The following CDH13 variants were observed in gnomAD, a reference collection of about 807,000 sequenced individuals.
CDH13 encodes cadherin-13.
A neutral mutation model predicts 63.8 loss-of-function variants in CDH13; 24 were observed. The observed-to-expected ratio is 0.38, with a 90% confidence interval of 0.27 to 0.53. The LOEUF (loss-of-function observed/expected upper bound fraction) is 0.53. CDH13 is among the 20% of genes least tolerant of loss of function. The probability of loss-of-function intolerance (pLI) is 0.85; values close to 1 mark genes in which losing one functional copy is unlikely to be tolerated. For missense variants in CDH13, 1,049 were observed against 903.1 expected (o/e 1.16, Z -2.07); for synonymous variants, 503 against 355.3 (o/e 1.42, Z -4.67).
rs934871469 is a variant in CDH13 at position 83,148,137 on chromosome 16, C to T, written c.483+22636C>T. ...ATTTTTAGTAGGCACGGGGTTTCAC[C>T]ATTTTGGCCAGGCTGATCCTGAACT... On this transcript the variant is annotated intron_variant, in intron 4 of 13. Transcript: ENST00000567109. 1.2e-4 allele frequency among the ~76,000 whole-genome samples: 19 copies of T among 152,258 alleles called. No homozygotes were observed. In the South Asian group the frequency reaches 2.1e-3, roughly 17 times the overall value.
chr16:82,675,120 A>T (rs1463898424), intron 1 of CDH13, among the ~76,000 whole-genome samples: 2 of 152,166 alleles, frequency 1.3e-5, no homozygotes, highest in Non-Finnish European at 2.9e-5. Flanking sequence ...ATAATTTTGC[A>T]ACTTAAAAAT....
chr16:83,691,276 G>A (rs560115583), intron 10 of CDH13, among the ~76,000 whole-genome samples: 5 of 152,166 alleles, frequency 3.3e-5, no homozygotes, highest in African/African-American at 1.2e-4. Flanking sequence ...TGTTCTTGTT[G>A]AGTTTGAGGT....
At chr16:83,318,923 G>A (rs544840458) in intron 5 of CDH13, among the ~76,000 whole-genome samples, 7 of 151,844 alleles carry the variant, frequency 4.6e-5, no homozygotes, top group Admixed American at 6.6e-5. Flanking sequence ...CCTCTGGAGA[G>A]CTCACAGGAG....
At chr16:82,921,539 A>G (rs1208362478) in intron 2 of CDH13, among the ~76,000 whole-genome samples, 2 of 152,222 alleles carry the variant, frequency 1.3e-5, no homozygotes, top group East Asian at 1.9e-4. Context: ...TCACATATGC[A>G]CAGACATTTT....
chr16:83,084,695 C>T (rs909820469), intron 3 of CDH13, among the ~76,000 whole-genome samples: 1 of 152,026 alleles, frequency 6.6e-6, no homozygotes, highest in African/African-American at 2.4e-5. Flanking sequence ...TTGAGACCGG[C>T]CTGGCCAACA....
At chr16:83,515,178 C>G (rs944189634) in intron 7 of CDH13, among the ~76,000 whole-genome samples, 26 of 152,112 alleles carry the variant, frequency 1.7e-4, no homozygotes, top group Admixed American at 1.5e-3. Flanking sequence ...GATGTAAGAA[C>G]TCTGTACTTG....
chr16:83,304,333 G>T (rs1257954528), intron 5 of CDH13, among the ~76,000 whole-genome samples: 1 of 152,090 alleles, frequency 6.6e-6, no homozygotes, highest in Non-Finnish European at 1.5e-5. Flanking sequence ...GGAATCTTGG[G>T]AAAAAAGACT....
At chr16:83,659,976 G>A (rs567576778) in intron 8 of CDH13, among the ~76,000 whole-genome samples, 40 of 151,772 alleles carry the variant, frequency 2.6e-4, no homozygotes, top group Non-Finnish European at 4.0e-4. Context: ...TTGTAGAGAC[G>A]GGATTTCGCC....
intron 2 of CDH13, among the ~76,000 whole-genome samples, chr16:82,913,487 G>T (rs932085247): frequency 5.9e-5 from 9 of 152,088 alleles, no homozygotes; most frequent in African/African-American, 2.2e-4. Flanking sequence ...GGAAATCCAG[G>T]CCACAACTAT....
chr16:83,277,031 C>CA (rs1162773035), intron 5 of CDH13, among the ~76,000 whole-genome samples: 6 of 152,074 alleles, frequency 3.9e-5, no homozygotes, highest in Non-Finnish European at 2.9e-5. Flanking sequence ...AATTACCCCC[C>CA]ACCAGGTCTC....
chr16:83,486,306 G>A (rs1167139110), intron 6 of CDH13, among the ~76,000 whole-genome samples, 171 bp from the exon 7 acceptor site: 1 of 152,216 alleles, frequency 6.6e-6, no homozygotes, highest in Non-Finnish European at 1.5e-5. Flanking sequence ...AACAGAGAGG[G>A]AAAGGAGGAA....
intron 7 of CDH13, among the ~76,000 whole-genome samples, chr16:83,531,212 G>T (rs1304378267): frequency 1.3e-5 from 2 of 152,136 alleles, no homozygotes; most frequent in Non-Finnish European, 2.9e-5. Context: ...TCTTGACTTT[G>T]TCTGTTTACA....
intron 3 of CDH13, among the ~76,000 whole-genome samples, chr16:83,102,150 C>A (rs1332810067): frequency 2.0e-5 from 3 of 152,128 alleles, no homozygotes; most frequent in African/African-American, 7.2e-5. Flanking sequence ...CAGCCTTTAA[C>A]AGTTGGAGAA....
At chr16:83,676,219 C>A (rs1306506637) in intron 9 of CDH13, among the ~76,000 whole-genome samples, 1 of 152,128 alleles carries the variant, frequency 6.6e-6, no homozygotes, top group Non-Finnish European at 1.5e-5. Flanking sequence ...GGCTGGATTC[C>A]CCAGAAACCC....
intron 5 of CDH13, among the ~76,000 whole-genome samples, chr16:83,302,071 C>T (rs758242600): frequency 3.9e-5 from 6 of 151,984 alleles, no homozygotes; most frequent in African/African-American, 1.2e-4. Flanking sequence ...AAGTGGGGAT[C>T]GTCCTTACCT....
intron 4 of CDH13, among the ~76,000 whole-genome samples, chr16:83,147,396 C>G (rs1567876524): frequency 6.6e-6 from 1 of 152,150 alleles, no homozygotes; most frequent in Admixed American, 6.5e-5. Flanking sequence ...CTATCTGTGA[C>G]TTTTAAAGAA....
At chr16:82,728,445 AT>A (rs35197709) in intron 1 of CDH13, among the ~76,000 whole-genome samples, 79,888 of 151,506 alleles carry the variant, frequency 0.53, 21,767 homozygotes, top group Non-Finnish European at 0.59. Context: ...GAGGCATACA[AT>A]TTTTTTTTTG....
intron 1 of CDH13, among the ~76,000 whole-genome samples, chr16:82,817,683 T>C (rs998766797): frequency 5.3e-5 from 8 of 151,984 alleles, no homozygotes; most frequent in African/African-American, 1.9e-4. Flanking sequence ...TGCACACCTG[T>C]AGTCCCAGCT....
intron 2 of CDH13, among the ~76,000 whole-genome samples, chr16:83,007,148 T>C (rs2151431012): frequency 6.6e-6 from 1 of 152,162 alleles, no homozygotes; most frequent in African/African-American, 2.4e-5. Flanking sequence ...TCTTGAACTC[T>C]CGACCTAAGG....
Sources: allele counts gnomAD v4.1 joint callset (sites outside exome capture counted in the v4.1 genomes callset), GRCh38; gene constraint gnomAD v4.1.1; transcripts MANE v1.5; gene names NCBI Gene and HGNC (gene_info 2026-07-23, HGNC 2026-07-21).